Variants in GOLGA6D observed in about 807,000 individuals in gnomAD.
The protein encoded by GOLGA6D is golgin subfamily A member 6D.
GOLGA6D carries 9 observed loss-of-function variants against 42.1 expected under a neutral mutation model. The observed-to-expected ratio is 0.21, with a 90% CI of 0.13 to 0.37. GOLGA6D has a LOEUF of 0.37. GOLGA6D is among the 10% of genes least tolerant of loss of function. GOLGA6D has a pLI of 1.00. For missense variants in GOLGA6D, 87 were observed against 420.8 expected (o/e 0.21, Z 6.94); for synonymous variants, 39 against 167.3 (o/e 0.23, Z 5.92).
rs1266848303 is a variant in GOLGA6D at position 75,294,588 on chromosome 15, C to T, written c.*113C>T. On this transcript the variant is annotated 3_prime_UTR_variant, in exon 18 of 18. Coordinates refer to ENST00000434739, the MANE Select transcript of GOLGA6D (RefSeq NM_001145224.3). ...GAGCTGGTCAAGAAATTTAAAACAA[C>T]AACAACAACAAAAAGTTACGGGGTT... 9.2e-6 allele frequency: 9 copies of T among 977,510 alleles called. No homozygotes were observed. Among genetic ancestry groups the T allele is most frequent in the Non-Finnish European group, 1.3e-5 (9 of 672,694 alleles). The allele number at this position is 977,510 out of a possible 1,614,324, so 60.6% of individuals were successfully genotyped here.
At chr15:75,293,532 G>C (rs372692743) in intron 14 of GOLGA6D, among the ~76,000 whole-genome samples, 197 bp from the exon 15 acceptor site, 2,086 of 139,958 alleles carry the variant, frequency 0.015, 160 homozygotes, top group African/African-American at 0.05. Flanking sequence ...TGGTGGCCTT[G>C]GCCTGGAAGG....
Position 75,288,827 on chromosome 15 carries a change from A to C in GOLGA6D, c.564+463A>C, listed in dbSNP as rs1206876097. On this transcript the variant is annotated intron_variant, in intron 7 of 17. Coordinates refer to ENST00000434739, the MANE Select transcript of GOLGA6D (RefSeq NM_001145224.3). ...GGAGAGAGTAACAGGGTGCCTGGAG[A>C]CACCTCCCTTCTGTACCTTCTGAGT... Among the ~76,000 whole-genome samples, 27 of 142,308 alleles carry C rather than the reference A, an allele frequency of 1.9e-4. 4 individuals are homozygous for C. Among genetic ancestry groups the C allele is most frequent in the African/African-American group, 7.4e-4 (27 of 36,276 alleles). The allele number at this position is 142,308 out of a possible 152,430, so 93.4% of individuals were successfully genotyped here. A position where few individuals can be genotyped will look rare whatever the true frequency, so the allele number is the denominator to read the frequency against.
chr15:75,277,736 G>C, the GOLGA6D span, among the ~76,000 whole-genome samples: 3 of 146,310 alleles, frequency 2.1e-5, no homozygotes, highest in African/African-American at 7.8e-5. Context: ...GTGGGAGGTC[G>C]AGGCTGCAGT....
Position 75,294,490 on chromosome 15 carries a change from GC to G in GOLGA6D, c.*18del. 6.4e-7 allele frequency: 1 copy of G among 1,564,616 alleles called. No homozygotes were observed. Among genetic ancestry groups the G allele is most frequent in the South Asian group, 1.2e-5 (1 of 86,938 alleles). On this transcript the variant is annotated 3_prime_UTR_variant, in exon 18 of 18. Coordinates refer to ENST00000434739, the MANE Select transcript of GOLGA6D (RefSeq NM_001145224.3). ...AGGACACCTAGGAGCACCCAGGCTT[GC>G]CCAGCAAACCCTGCGTGCCATTCTT...
intron 14 of GOLGA6D, among the ~76,000 whole-genome samples, chr15:75,293,490 G>T (rs1190659494): frequency 1.4e-5 from 2 of 144,842 alleles, no homozygotes; most frequent in Non-Finnish European, 3.0e-5. Flanking sequence ...AGCGGAAGGT[G>T]TGAAGGCTGT....
At position 75,289,444 on chromosome 15, in the gene GOLGA6D, C is replaced by G; in HGVS notation, c.612C>G (p.Thr204=). The G allele has an allele frequency of 6.6e-7, 1 of 1,509,312 alleles. No individual in the cohort carries two copies. Among genetic ancestry groups the G allele is most frequent in the Non-Finnish European group, 9.0e-7 (1 of 1,116,496 alleles). 93.5% of individuals were successfully genotyped at this position (1,509,312 alleles called of 1,614,324 possible). ...TCCTCCAGCGGCGGTTACAGCAGAC[C>G]ATAAAGGAGCGGGCGCTGCTGAACG... ...EAVLQRRLQQ[T]IKERALLNAH... is the part of the protein sequence containing the mutation. Residue 204 remains threonine, a synonymous_variant, in exon 8 of 18, where the codon ACC becomes ACG. Transcript: ENST00000434739.
At position 75,294,485 on chromosome 15, in the gene GOLGA6D, G is replaced by A. The variant is rs750167970; in HGVS notation, c.*10G>A. 5.1e-6 allele frequency: 8 copies of A among 1,568,422 alleles called. No individual in the cohort carries two copies. Among genetic ancestry groups the A allele is most frequent in the African/African-American group, 1.6e-5 (1 of 63,434 alleles). ...CATGCAGGACACCTAGGAGCACCCA[G>A]GCTTGCCCAGCAAACCCTGCGTGCC... On this transcript the variant is annotated 3_prime_UTR_variant, in exon 18 of 18. Transcript: ENST00000434739.
At position 75,294,396 on chromosome 15, in the gene GOLGA6D, T is replaced by A. The variant is rs200428716; in HGVS notation, c.2003T>A (p.Val668Glu). 1.3e-5 allele frequency: 21 copies of A among 1,589,620 alleles called. No homozygotes were observed. Among genetic ancestry groups the A allele is most frequent in the Non-Finnish European group, 1.8e-5 (21 of 1,175,138 alleles). ...LDNNVEPAPGVAREGSPHNNP... is the reference protein window; with the variant it reads ...LDNNVEPAPGEAREGSPHNNP... ...AACAACGTGGAGCCTGCACCAGGAG[T>A]GGCCAGGGAGGGTTCTCCCCATAAC... is the stretch of plus-strand genomic sequence containing the variant. Residue 668 changes from valine (V) to glutamate (E), a missense_variant, in exon 18 of 18, where the codon GTG becomes GAG. By Grantham distance (121) the Val-to-Glu change is moderately radical. Transcript: ENST00000434739.
the GOLGA6D span, among the ~76,000 whole-genome samples, chr15:75,277,819 AC>A: frequency 5.4e-4 from 78 of 145,046 alleles, no homozygotes; most frequent in African/African-American, 2.0e-3. Flanking sequence ...AAAAAATGTC[AC>A]TGTTTTGGGG....
upstream of GOLGA6D, among the ~76,000 whole-genome samples, chr15:75,278,866 TGA>T (rs1211659560): frequency 1.1e-4 from 16 of 151,406 alleles, no homozygotes; most frequent in African/African-American, 3.9e-4. Flanking sequence ...TCAAAAGTCC[TGA>T]TGTGTAGTAG....
Position 75,287,968 on chromosome 15 carries a change from G to A in GOLGA6D, c.364G>A (p.Glu122Lys), listed in dbSNP as rs1351152141. 6 of 1,267,944 alleles carry A rather than the reference G, an allele frequency of 4.7e-6. No homozygotes were observed. Among genetic ancestry groups the A allele is most frequent in the Non-Finnish European group, 6.8e-6 (6 of 878,090 alleles). 78.5% of individuals were successfully genotyped at this position (1,267,944 alleles called of 1,614,324 possible). A position where few individuals can be genotyped will look rare whatever the true frequency, so the allele number is the denominator to read the frequency against. The change falls in exon 5 of 18, where the codon GAG (glutamate) becomes AAG (lysine). Residue 122 changes from glutamate to lysine, a missense_variant. Physicochemically the swap from Glu to Lys is moderately conservative, Grantham distance 56. Coordinates refer to ENST00000434739, the MANE Select transcript of GOLGA6D (RefSeq NM_001145224.3). ...TNNEIHKAQM[E>K]QLETINILTL... is the part of the protein sequence containing the mutation. ...CAATGAAATACACAAAGCACAAATG[G>A]AGCAGTTAGAGGTGAGTGGAGGGTG...
In GOLGA6D at chr15:75,293,432, A is replaced by C. The variant is rs2451768; in HGVS notation, c.1593+268A>C. ...TCTTGCCTTCAAGTGGCATTTTTCA[A>C]CTCCGCTGGAGCCAGTTCCCAGGAG... On this transcript the variant is annotated intron_variant, in intron 14 of 17. Transcript: ENST00000434739. Among the ~76,000 whole-genome samples the C allele has an allele frequency of 6.9e-3, 960 of 139,284 alleles. 2 individuals carry two copies. Among genetic ancestry groups the C allele is most frequent in the African/African-American group, 0.018 (638 of 34,930 alleles). 91.4% of individuals were successfully genotyped at this position (139,284 alleles called of 152,430 possible).
intron 7 of GOLGA6D, among the ~76,000 whole-genome samples, chr15:75,289,019 C>A (rs2070868108): frequency 8.1e-6 from 1 of 122,834 alleles, no homozygotes; most frequent in Non-Finnish European, 1.7e-5. Context: ...AAGCACTTAA[C>A]CTTGAACACT....
At position 75,294,434 on chromosome 15, in the gene GOLGA6D, C is replaced by G. The variant is rs2070894753; in HGVS notation, c.2041C>G (p.Gln681Glu). 2.5e-6 allele frequency: 4 copies of G among 1,597,998 alleles called. No homozygotes were observed. The highest frequency in any genetic ancestry group is 3.4e-6 in the Non-Finnish European group (4 of 1,174,964). Residue 681 changes from glutamine (Q) to glutamate (E), a missense_variant, in exon 18 of 18, where the codon CAG (glutamine) becomes GAG (glutamate). Transcript: ENST00000434739. ...EGSPHNNPTV[Q>E]QIVQLSPVMQ... ...TTCTCCCCATAACAACCCCACTGTA[C>G]AGCAGATCGTGCAGCTGTCTCCTGT...
chr15:75,278,831 T>G (rs2070837280), upstream of GOLGA6D, among the ~76,000 whole-genome samples: 1 of 151,666 alleles, frequency 6.6e-6, no homozygotes, highest in Non-Finnish European at 1.5e-5. Flanking sequence ...ATGCTCATAC[T>G]TATTAGATGG....
At position 75,293,110 on chromosome 15, in the gene GOLGA6D, G is replaced by A. The variant is rs1482579861; in HGVS notation, c.1539G>A (p.Glu513=). 6.3e-7 allele frequency: 1 copy of A among 1,580,044 alleles called. No homozygotes were observed. Among genetic ancestry groups the A allele is most frequent in the Non-Finnish European group, 8.6e-7 (1 of 1,163,890 alleles). The change falls in exon 14 of 18, where the codon GAG becomes GAA. Residue 513 remains glutamate, a synonymous_variant. Coordinates refer to ENST00000434739, the MANE Select transcript of GOLGA6D (RefSeq NM_001145224.3). ...AACATCTGGACAGTGAGGAGGAGGA[G>A]GCGCCTCGGCCCACGCCAAACATCC... ...GGQHLDSEEE[E]APRPTPNIPE... is the part of the protein sequence containing the mutation.
chr15:75,277,700 T>G, the GOLGA6D span, among the ~76,000 whole-genome samples: 2 of 132,542 alleles, frequency 1.5e-5, no homozygotes, highest in South Asian at 5.0e-4. Context: ...GTGGTGCCTG[T>G]GGTCCCAGCT....
At position 75,289,433 on chromosome 15, in the gene GOLGA6D, T is replaced by C. The variant is rs1054766768; in HGVS notation, c.601T>C (p.Leu201=). ...CAGAGAAGCGGTCCTCCAGCGGCGG[T>C]TACAGCAGACCATAAAGGAGCGGGC... ...SCREAVLQRR[L]QQTIKERALL... is the part of the protein sequence containing the mutation. Residue 201 remains leucine, a synonymous_variant, in exon 8 of 18, where the codon TTA becomes CTA. Transcript: ENST00000434739. 8 of 1,525,466 alleles carry C rather than the reference T, an allele frequency of 5.2e-6. 1 individual carries two copies. The highest frequency in any genetic ancestry group is 7.1e-6 in the Non-Finnish European group (8 of 1,128,382). The allele number at this position is 1,525,466 out of a possible 1,614,324, so 94.5% of individuals were successfully genotyped here.
rs753665923 is a variant in GOLGA6D, at chr15:75,289,427, C to T, written c.595C>T (p.Arg199Trp). 129 of 1,530,506 alleles carry T rather than the reference C, an allele frequency of 8.4e-5. 16 individuals carry two copies. The highest frequency in any genetic ancestry group is 2.9e-4 in the Admixed American group (16 of 55,270). The allele number at this position is 1,530,506 out of a possible 1,614,324, so 94.8% of individuals were successfully genotyped here. The change falls in exon 8 of 18, where the codon CGG becomes TGG. Residue 199 changes from arginine to tryptophan, a missense_variant. Arg to Trp is a moderately radical substitution (Grantham distance 101, BLOSUM62 -3). Transcript: ENST00000434739. ...GAGCTGCAGAGAAGCGGTCCTCCAGCGGCGGTTACAGCAGACCATAAAGGA... is the reference window on the plus strand; with the variant it reads ...GAGCTGCAGAGAAGCGGTCCTCCAGTGGCGGTTACAGCAGACCATAAAGGA... ...SSSCREAVLQ[R>W]RLQQTIKERA...
Sources: allele counts gnomAD v4.1 joint callset (sites outside exome capture counted in the v4.1 genomes callset), GRCh38; gene constraint gnomAD v4.1.1; transcripts MANE v1.5; gene names NCBI Gene and HGNC (gene_info 2026-07-23, HGNC 2026-07-21).